CSMD1: variants seen among roughly 807,000 people sequenced by gnomAD.
CSMD1 encodes CUB and sushi domain-containing protein 1.
A neutral mutation model predicts 417.5 loss-of-function variants in CSMD1; 213 were observed. The ratio of observed to expected loss-of-function variants is 0.51; its 90% CI spans 0.46 to 0.57. The LOEUF is 0.57. Among genes scored for constraint, CSMD1 ranks in the 20% least tolerant of loss-of-function variants. The probability of loss-of-function intolerance (pLI) is 0.00; values close to 1 mark genes in which losing one functional copy is unlikely to be tolerated. For synonymous variants in CSMD1, 2,862 were observed against 1,736.8 expected (o/e 1.65, Z -16.11); for missense variants, 6,923 against 4,529.7 (o/e 1.53, Z -15.17).
Position 2,957,773 on chromosome 8 carries a change from C to T in CSMD1, c.9737G>A (p.Gly3246Asp), listed in dbSNP as rs748444661. Residue 3246 changes from glycine to aspartate, a missense_variant, in exon 63 of 70, where the codon GGC becomes GAC. By Grantham distance (94) the Gly-to-Asp change is moderately conservative. Coordinates refer to ENST00000635120, the MANE Select transcript of CSMD1 (RefSeq NM_033225.6). ...AGTCGTGGAACCTTGAATATGGTAG[C>T]CTTTTCTGCACCTGAAAAAAACCGT... ...GSTVFFRCRK[G>D]YHIQGSTTRT... 6 of 1,594,344 alleles carry T rather than the reference C, an allele frequency of 3.8e-6. No homozygotes were observed. The highest frequency in any genetic ancestry group is 5.1e-6 in the Non-Finnish European group (6 of 1,169,252).
intron 5 of CSMD1, among the ~76,000 whole-genome samples, chr8:3,984,754 T>C (rs1418916126): frequency 1.2e-5 from 1 of 80,806 alleles, no homozygotes; most frequent in Non-Finnish European, 2.7e-5. Flanking sequence ...TATATATATT[T>C]GTATGTATTT....
At chr8:2,965,535 C>A (rs927350539) in intron 59 of CSMD1, among the ~76,000 whole-genome samples, 1 of 152,194 alleles carries the variant, frequency 6.6e-6, no homozygotes, top group Non-Finnish European at 1.5e-5. Context: ...ACCCCGACAT[C>A]TCCAGTTCCT....
At chr8:4,361,092 G>A (rs753997262) in intron 3 of CSMD1, among the ~76,000 whole-genome samples, 1 of 152,126 alleles carries the variant, frequency 6.6e-6, no homozygotes, top group Non-Finnish European at 1.5e-5. Flanking sequence ...CAGTTCTCAT[G>A]CTACACACTG....
In CSMD1 at chr8:4,308,603, A is replaced by G. The variant is rs1798384777; in HGVS notation, c.415+111350T>C. On this transcript the variant is annotated intron_variant, in intron 3 of 69. Transcript: ENST00000635120. ...GGAAATGCTCCTTAGAATAATGGAGAGAATTTGTTAAGCCTGCTTTGGAAA... is the reference window on the plus strand; with the variant it reads ...GGAAATGCTCCTTAGAATAATGGAGGGAATTTGTTAAGCCTGCTTTGGAAA... Among the ~76,000 whole-genome samples, 3 of 152,292 alleles carry G rather than the reference A, an allele frequency of 2.0e-5. No homozygotes were observed. The South Asian group carries it at 6.2e-4, about 32-fold the overall frequency.
At chr8:3,080,566 G>T (rs868343597) in intron 49 of CSMD1, among the ~76,000 whole-genome samples, 7 of 152,154 alleles carry the variant, frequency 4.6e-5, no homozygotes, top group Non-Finnish European at 1.5e-5. Context: ...AGCTAATTGC[G>T]AGCCATCAAG....
chr8:4,654,095 G>T (rs928180112), intron 1 of CSMD1, among the ~76,000 whole-genome samples: 35 of 152,098 alleles, frequency 2.3e-4, no homozygotes, highest in Non-Finnish European at 4.1e-4. Context: ...TTTCTTTCCC[G>T]GTGCAAACCA....
rs1408815262 is a variant in CSMD1 at position 2,960,961 on chromosome 8, T to TATATATATACATAC, written c.9702+179_9702+180insGTATGTATATATAT. Among the ~76,000 whole-genome samples the TATATATATACATAC allele has an allele frequency of 2.3e-5, 3 of 130,866 alleles. No individual in the cohort carries two copies. The East Asian group carries it at 6.3e-4, about 27-fold the overall frequency. The allele number at this position is 130,866 out of a possible 152,430, so 85.9% of individuals were successfully genotyped here. ...CAAGATATATATATATATATATATA[T>TATATATATACATAC]ATATACATATATTGATTTTGACAGT... On this transcript the variant is annotated intron_variant, in intron 62 of 69. Transcript: ENST00000635120.
chr8:3,407,001 G>T (rs568256444), intron 14 of CSMD1, among the ~76,000 whole-genome samples: 324 of 152,222 alleles, frequency 2.1e-3, no homozygotes, highest in Non-Finnish European at 4.1e-3. Context: ...GTGGGTGGGT[G>T]GATGGTTGTA....
At chr8:4,797,103 G>T (rs1293101752) in intron 1 of CSMD1, among the ~76,000 whole-genome samples, 2 of 152,154 alleles carry the variant, frequency 1.3e-5, no homozygotes, top group Admixed American at 1.3e-4. Flanking sequence ...TCGAATCAGA[G>T]ATGAATACAG....
intron 12 of CSMD1, among the ~76,000 whole-genome samples, chr8:3,460,208 G>C (rs73497471): frequency 0.012 from 1,775 of 152,246 alleles, 42 homozygotes; most frequent in African/African-American, 0.04. Flanking sequence ...TCTGAGATGA[G>C]ACGGGAAGAT....
At chr8:3,126,513 A>G (rs1032861506) in intron 41 of CSMD1, among the ~76,000 whole-genome samples, 4 of 152,162 alleles carry the variant, frequency 2.6e-5, no homozygotes, top group South Asian at 2.1e-4. Flanking sequence ...TTCCCTATCA[A>G]TGAAAAGATC....
At chr8:4,277,608 G>A (rs145631814) in intron 3 of CSMD1, among the ~76,000 whole-genome samples, 6 of 152,266 alleles carry the variant, frequency 3.9e-5, no homozygotes, top group South Asian at 2.1e-4. Flanking sequence ...ACTATGAGGT[G>A]TCTCATACTT....
At chr8:3,554,917 G>A (rs898262313) in intron 10 of CSMD1, among the ~76,000 whole-genome samples, 2 of 152,088 alleles carry the variant, frequency 1.3e-5, no homozygotes, top group African/African-American at 4.8e-5. Context: ...AACCTGGCAA[G>A]CAGCCACACA....
chr8:4,114,230 T>C (rs1802013297), intron 3 of CSMD1, among the ~76,000 whole-genome samples: 1 of 152,206 alleles, frequency 6.6e-6, no homozygotes, highest in South Asian at 2.1e-4. Flanking sequence ...CCAATGTTTG[T>C]TTAACATTTT....
chr8:4,205,384 T>G (rs73658476), intron 3 of CSMD1, among the ~76,000 whole-genome samples: 1,572 of 152,368 alleles, frequency 0.01, 29 homozygotes, highest in African/African-American at 0.036. Flanking sequence ...GAACAATTTT[T>G]TAGCCTTGGC....
intron 3 of CSMD1, among the ~76,000 whole-genome samples, chr8:4,131,596 G>T (rs994124059): frequency 6.6e-6 from 1 of 151,934 alleles, no homozygotes; most frequent in Non-Finnish European, 1.5e-5. Context: ...AGTCCCTAAT[G>T]CTTAGTTTTA....
chr8:3,021,838 TGCAATCCCACAGCATCCGGAATGCACCC>T, intron 51 of CSMD1, among the ~76,000 whole-genome samples: 1 of 120,148 alleles, frequency 8.3e-6, no homozygotes, highest in Non-Finnish European at 1.7e-5. Context: ...GGAATGCACC[TGCAATCCCACAGCATCCGGAATGCACCC>T]GCAATCCCAC....
At chr8:4,097,381 G>A (rs953948815) in intron 3 of CSMD1, among the ~76,000 whole-genome samples, 2 of 152,156 alleles carry the variant, frequency 1.3e-5, no homozygotes, top group Admixed American at 6.6e-5. Context: ...CCACACACGG[G>A]TGTTATAAGA....
At chr8:3,709,345 G>T (rs999673050) in intron 6 of CSMD1, among the ~76,000 whole-genome samples, 20 of 152,184 alleles carry the variant, frequency 1.3e-4, no homozygotes, top group African/African-American at 3.9e-4. Flanking sequence ...CCAAATCTTT[G>T]CTTACAACAG....
Sources: allele counts gnomAD v4.1 joint callset (sites outside exome capture counted in the v4.1 genomes callset), GRCh38; gene constraint gnomAD v4.1.1; transcripts MANE v1.5; gene names NCBI Gene and HGNC (gene_info 2026-07-23, HGNC 2026-07-21).